Variants in PCDHA13 observed in about 807,000 individuals in gnomAD.
The protein encoded by PCDHA13 is protocadherin alpha-13.
Under a neutral mutation model 64.8 loss-of-function variants are expected in PCDHA13, and 54 were observed. The observed-to-expected ratio is 0.83, with a 90% confidence interval of 0.67 to 1.04. The LOEUF (loss-of-function observed/expected upper bound fraction) is 1.04. Ranked by LOEUF, PCDHA13 falls within the 50% of genes least tolerant of loss-of-function variation. The probability of loss-of-function intolerance (pLI) is 0.00; values close to 1 mark genes in which losing one functional copy is unlikely to be tolerated. For missense variants in PCDHA13, 1,248 were observed against 1,254.3 expected, an observed-to-expected ratio of 0.99 and a Z score of 0.08; for synonymous variants, 587 against 564.4, an observed-to-expected ratio of 1.04 and a Z score of -0.57.
At chr5:140,937,786 T>C (rs246073) in intron 1 of PCDHA13, among the ~76,000 whole-genome samples, 52,378 of 148,788 alleles carry the variant, frequency 0.35, 9,253 homozygotes, top group East Asian at 0.54. Flanking sequence ...GTGGCGGGCG[T>C]ATGTAGTCCC....
At chr5:140,903,614 T>C (rs1583498055) in intron 1 of PCDHA13, among the ~76,000 whole-genome samples, 1 of 152,204 alleles carries the variant, frequency 6.6e-6, no homozygotes, top group Non-Finnish European at 1.5e-5. Flanking sequence ...TACACATGAA[T>C]GTGCATGCAT....
In PCDHA13 at chr5:140,884,516, T is replaced by C; in HGVS notation, c.2248T>C (p.Tyr750His). The C allele has an allele frequency of 6.2e-7, 1 of 1,613,960 alleles. No individual in the cohort carries two copies. The highest frequency in any genetic ancestry group is 1.1e-5 in the South Asian group (1 of 91,086). Residue 750 changes from tyrosine to histidine, a missense_variant, in exon 1 of 4, where the codon TAC becomes CAC. Transcript: ENST00000289272. ...CTCCAGCGCGGCAGGGAGTTGGTCG[T>C]ACTCGCAGCAGAGGCGGCCGAGGGT... The part of the protein sequence containing the change: ...VCSSAAGSWS[Y>H]SQQRRPRVCS...
intron 3 of PCDHA13, among the ~76,000 whole-genome samples, chr5:140,994,024 A>G (rs1440214596): frequency 6.6e-6 from 1 of 152,234 alleles, no homozygotes; most frequent in East Asian, 1.9e-4. Context: ...TGATGCAGAT[A>G]TAATATTAAA....
chr5:140,941,447 C>T (rs1180553779), intron 1 of PCDHA13, among the ~76,000 whole-genome samples: 1 of 150,780 alleles, frequency 6.6e-6, no homozygotes, highest in South Asian at 2.1e-4. Flanking sequence ...TCGGGAGTAG[C>T]TGGGATTACA....
intron 1 of PCDHA13, chr5:140,928,776 T>C (rs2085518837): frequency 6.2e-7 from 1 of 1,614,044 alleles, no homozygotes; most frequent in East Asian, 2.2e-5. Flanking sequence ...TTCCCACTGA[T>C]GCAGTTAAGC....
intron 3 of PCDHA13, among the ~76,000 whole-genome samples, chr5:141,004,953 G>A (rs1409171628): frequency 7.2e-5 from 11 of 152,166 alleles, no homozygotes; most frequent in African/African-American, 2.4e-4. Context: ...ACCCTCTCTC[G>A]TCACTGCCTG....
At chr5:140,967,710 G>A (rs868978149) in intron 1 of PCDHA13, 1 of 1,614,182 alleles carries the variant, frequency 6.2e-7, no homozygotes, top group Non-Finnish European at 8.5e-7. Flanking sequence ...GCCAGTACCG[G>A]GGAAGTGCGA....
intron 1 of PCDHA13, among the ~76,000 whole-genome samples, chr5:140,915,190 G>T (rs1317793585): frequency 1.3e-5 from 2 of 151,978 alleles, no homozygotes; most frequent in African/African-American, 4.8e-5. Flanking sequence ...CTAGTGATCC[G>T]CCCATCTTGG....
In PCDHA13 at chr5:140,927,579, C is replaced by T. The variant is rs369243383; in HGVS notation, c.2394+42917C>T. The T allele has an allele frequency of 3.2e-4, 517 of 1,614,178 alleles. 2 individuals are homozygous for T. Among genetic ancestry groups the T allele is most frequent in the Non-Finnish European group, 4.1e-4 (483 of 1,180,030 alleles). On this transcript the variant is annotated intron_variant, in intron 1 of 3. Coordinates refer to ENST00000289272, the MANE Select transcript of PCDHA13 (RefSeq NM_018904.3). ...TCATTGTGGTGGACACAAATGACAA[C>T]GCGCCTGTATTTGAGCGCTCCGTAT...
chr5:140,910,346 G>C (rs2074987326), intron 1 of PCDHA13, among the ~76,000 whole-genome samples: 1 of 152,152 alleles, frequency 6.6e-6, no homozygotes, highest in Admixed American at 6.5e-5. Flanking sequence ...CTTTGCCTCT[G>C]CTGTCCATTA....
intron 1 of PCDHA13, among the ~76,000 whole-genome samples, chr5:140,925,081 GA>G (rs2082282278): frequency 1.4e-5 from 2 of 146,052 alleles, no homozygotes; most frequent in African/African-American, 2.7e-5. Flanking sequence ...CGCTCATCTG[GA>G]AAGGAAGGAA....
At chr5:140,956,212 C>A (rs246014) in intron 1 of PCDHA13, among the ~76,000 whole-genome samples, 85,603 of 151,956 alleles carry the variant, frequency 0.56, 24,735 homozygotes, top group African/African-American at 0.69. Context: ...AAGAGGGCAT[C>A]CTTGTCTTGT....
chr5:140,903,513 T>C (rs2070347965), intron 1 of PCDHA13, among the ~76,000 whole-genome samples: 2 of 152,216 alleles, frequency 1.3e-5, no homozygotes, highest in South Asian at 2.1e-4. Flanking sequence ...AATAGTTCTA[T>C]TGTGTTGTTC....
chr5:140,888,288 C>G (rs1328691042), intron 1 of PCDHA13, among the ~76,000 whole-genome samples: 1 of 152,108 alleles, frequency 6.6e-6, no homozygotes, highest in African/African-American at 2.4e-5. Context: ...CCCTCTACCC[C>G]CTACCCAGGA....
chr5:140,944,364 T>G (rs1264806074), intron 1 of PCDHA13, among the ~76,000 whole-genome samples: 1 of 152,072 alleles, frequency 6.6e-6, no homozygotes, highest in Non-Finnish European at 1.5e-5. Flanking sequence ...ATTTTTAATT[T>G]TTTATAGAGA....
rs946669637 is a variant in PCDHA13, at chr5:140,923,020, G to C, written c.2394+38358G>C. On this transcript the variant is annotated intron_variant, in intron 1 of 3. Coordinates refer to ENST00000289272, the MANE Select transcript of PCDHA13 (RefSeq NM_018904.3). ...AGAATGGTTGTTGGACTGCAGTTTCGGACTCTATTACTACATGTATAGTAT... is the reference window on the plus strand; with the variant it reads ...AGAATGGTTGTTGGACTGCAGTTTCCGACTCTATTACTACATGTATAGTAT... Among the ~76,000 whole-genome samples the C allele has an allele frequency of 2.0e-5, 3 of 152,230 alleles. No homozygotes were observed. The East Asian group carries it at 5.8e-4, about 29-fold the overall frequency.
intron 1 of PCDHA13, among the ~76,000 whole-genome samples, chr5:140,923,970 C>T (rs2081601306): frequency 2.6e-5 from 4 of 152,220 alleles, no homozygotes; most frequent in Admixed American, 2.6e-4. Flanking sequence ...TATACCCACA[C>T]ATACTATCCC....
rs782776948 is a variant in PCDHA13 at position 141,009,898 on chromosome 5, A to T, written c.2814A>T (p.Lys938Asn). The T allele has an allele frequency of 5.6e-6, 9 of 1,613,182 alleles. No individual in the cohort carries two copies. Among genetic ancestry groups the T allele is most frequent in the Admixed American group, 1.7e-5 (1 of 59,722 alleles). The change falls in exon 4 of 4, where the codon AAA (lysine) becomes AAT (asparagine). Residue 938 changes from lysine (K) to asparagine (N), a missense_variant. Physicochemically the swap from Lys to Asn is moderately conservative, Grantham distance 94 (BLOSUM62 0). Transcript: ENST00000289272. ...AGGGTAACAAGACCCAGGAGAAAAA[A>T]GAGAAAGGGAACAGCACGACTGACA... ...KKKGNKTQEK[K>N]EKGNSTTDNS...
chr5:140,920,817 C>A (rs1430508925), intron 1 of PCDHA13, among the ~76,000 whole-genome samples: 1 of 150,498 alleles, frequency 6.6e-6, no homozygotes, highest in African/African-American at 2.5e-5. Flanking sequence ...GCACTCCAGC[C>A]TGGCGACGGA....
Sources: allele counts gnomAD v4.1 joint callset (sites outside exome capture counted in the v4.1 genomes callset), GRCh38; gene constraint gnomAD v4.1.1; transcripts MANE v1.5; gene names NCBI Gene and HGNC (gene_info 2026-07-23, HGNC 2026-07-21).